The following HOMER1 variants were observed in gnomAD, a reference collection of about 807,000 sequenced individuals.
HOMER1 encodes homer scaffold protein 1, also known as homer protein homolog 1.
A neutral mutation model predicts 48.9 loss-of-function variants in HOMER1; 3 were observed. The observed-to-expected ratio is 0.06, with a 90% CI of 0.03 to 0.16. The LOEUF is 0.16. Among genes scored for constraint, HOMER1 ranks in the 10% least tolerant of loss-of-function variants. The pLI, the probability that HOMER1 is intolerant of heterozygous loss-of-function variation, is 1.00. For missense variants in HOMER1, 247 were observed against 411.4 expected (o/e 0.60, Z 3.46); for synonymous variants, 134 against 146.4 (o/e 0.92, Z 0.61).
At chr5:79,496,503 T>C (rs1752424831) in intron 1 of HOMER1, among the ~76,000 whole-genome samples, 1 of 152,062 alleles carries the variant, frequency 6.6e-6, no homozygotes, top group Non-Finnish European at 1.5e-5. Flanking sequence ...CTAAAGAAAA[T>C]GAAGTGTCAT....
chr5:79,480,864 CA>C (rs771711275), intron 1 of HOMER1, among the ~76,000 whole-genome samples: 4 of 152,072 alleles, frequency 2.6e-5, no homozygotes, highest in African/African-American at 4.8e-5. Flanking sequence ...CTAGCCTTGT[CA>C]AATTAATGGT....
At chr5:79,423,071 C>G (rs989481667) in intron 5 of HOMER1, among the ~76,000 whole-genome samples, 2 of 152,134 alleles carry the variant, frequency 1.3e-5, no homozygotes, top group Non-Finnish European at 2.9e-5. Flanking sequence ...TCAAACAACA[C>G]TACTTGAAGC....
At position 79,374,063 on chromosome 5, in the gene HOMER1, T is replaced by G. The variant is rs1359916424; in HGVS notation, c.*1946A>C. 1.3e-5 allele frequency: 2 copies of G among 152,342 alleles called. No homozygotes were observed. Among genetic ancestry groups the G allele is most frequent in the Non-Finnish European group, 2.9e-5 (2 of 67,844 alleles). The allele number at this position is 152,342 out of a possible 1,614,324, so 9.4% of individuals were successfully genotyped here. ...ATTTTTTTAACTCTTCATACTAAAC[T>G]CCCTGATCCCTAGTGTTAAATCTCC... On this transcript the variant is annotated 3_prime_UTR_variant, in exon 9 of 9. Transcript: ENST00000334082.
intron 8 of HOMER1, among the ~76,000 whole-genome samples, chr5:79,386,842 T>C: frequency 6.6e-6 from 1 of 152,238 alleles, no homozygotes; most frequent in African/African-American, 2.4e-5. Flanking sequence ...AATACTACAA[T>C]GATTAAAAGA....
chr5:79,389,898 C>CA (rs112838587), intron 8 of HOMER1, among the ~76,000 whole-genome samples: 3,728 of 151,792 alleles, frequency 0.025, 147 homozygotes, highest in African/African-American at 0.085. Flanking sequence ...ATAATGCAAC[C>CA]AAAAAACAGG....
In HOMER1 at chr5:79,496,701, T is replaced by C. The variant is rs116259562; in HGVS notation, c.5+16069A>G. On this transcript the variant is annotated intron_variant, in intron 1 of 8. Transcript: ENST00000334082. ...CTGAGGCTCACCAGATATTCCAGAA[T>C]AGTTTCCAAAATGAAATAAGAAACT... Among the ~76,000 whole-genome samples the C allele has an allele frequency of 6.4e-3, 971 of 152,176 alleles. 7 individuals are homozygous for C. The highest frequency in any genetic ancestry group is 0.021 in the African/African-American group (879 of 41,490).
intron 1 of HOMER1, among the ~76,000 whole-genome samples, chr5:79,494,953 T>C (rs2112363931): frequency 6.6e-6 from 1 of 152,308 alleles, no homozygotes; most frequent in East Asian, 1.9e-4. Context: ...CAACTTAAAA[T>C]TGTTCTGTTG....
intron 5 of HOMER1, among the ~76,000 whole-genome samples, chr5:79,419,833 A>G (rs991490180): frequency 1.3e-5 from 2 of 152,064 alleles, no homozygotes; most frequent in East Asian, 3.9e-4. Flanking sequence ...ATCTTAACAA[A>G]CAGTGCTAAA....
At chr5:79,440,538 T>G (rs1011535044) in intron 4 of HOMER1, among the ~76,000 whole-genome samples, 1 of 152,194 alleles carries the variant, frequency 6.6e-6, no homozygotes, top group African/African-American at 2.4e-5. Context: ...ATCAGCTGTT[T>G]CCTTTAGCTG....
intron 1 of HOMER1, among the ~76,000 whole-genome samples, chr5:79,499,332 C>A (rs556601957): frequency 6.6e-6 from 1 of 152,104 alleles, no homozygotes; most frequent in African/African-American, 2.4e-5. Context: ...ATTTTAATAT[C>A]AACTTTGAAA....
In HOMER1 at chr5:79,399,682, TAAC is replaced by T. The variant is rs1298716722; in HGVS notation, c.685-2048_685-2046del. Among the ~76,000 whole-genome samples the T allele has an allele frequency of 3.9e-5, 6 of 152,222 alleles. No homozygotes were observed. The East Asian group carries it at 1.2e-3, about 29-fold the overall frequency. On this transcript the variant is annotated intron_variant, in intron 6 of 8. Coordinates refer to ENST00000334082, the MANE Select transcript of HOMER1 (RefSeq NM_004272.5). ...ACAAAAACTCAACATTATTCAAAAA[TAAC>T]AAAATCTGTGGTCTCTACAACATCT...
intron 5 of HOMER1, among the ~76,000 whole-genome samples, chr5:79,417,992 A>G (rs1194467287): frequency 6.6e-6 from 1 of 152,232 alleles, no homozygotes; most frequent in Non-Finnish European, 1.5e-5. Context: ...AGTAACCAAT[A>G]ATTTCATTAG....
chr5:79,464,227 G>A (rs545488527), intron 1 of HOMER1, among the ~76,000 whole-genome samples: 92 of 152,278 alleles, frequency 6.0e-4, no homozygotes, highest in Non-Finnish European at 1.0e-3. Flanking sequence ...AGAGGAATAA[G>A]GGAAAGTAGG....
intron 6 of HOMER1, among the ~76,000 whole-genome samples, chr5:79,398,308 TACACACACACAC>T (rs139315456): frequency 1.3e-5 from 2 of 149,460 alleles, no homozygotes; most frequent in Admixed American, 1.3e-4. Context: ...TCAATATAAA[TACACACACACAC>T]ACACACACAC....
chr5:79,445,423 A>G (rs1274134026), intron 4 of HOMER1, among the ~76,000 whole-genome samples: 2 of 152,210 alleles, frequency 1.3e-5, no homozygotes, highest in African/African-American at 4.8e-5. Flanking sequence ...ATACAGTAAA[A>G]CCACTGTATT....
chr5:79,506,887 G>A (rs1752787604), intron 1 of HOMER1, among the ~76,000 whole-genome samples: 1 of 151,738 alleles, frequency 6.6e-6, no homozygotes, highest in African/African-American at 2.4e-5. Flanking sequence ...TTCACATACT[G>A]AAGACCATTG....
At chr5:79,416,243 G>A (rs1329282238) in intron 5 of HOMER1, among the ~76,000 whole-genome samples, 2 of 152,226 alleles carry the variant, frequency 1.3e-5, no homozygotes, top group Non-Finnish European at 2.9e-5. Flanking sequence ...TAGTACAGAT[G>A]TATTATTTAT....
chr5:79,510,904 C>T (rs1752924657), intron 1 of HOMER1: 2 of 647,604 alleles, frequency 3.1e-6, no homozygotes, highest in Non-Finnish European at 5.5e-6. Context: ...GTAGATATCT[C>T]TATCTGCCAA....
At chr5:79,435,762 C>T (rs1034983153) in intron 5 of HOMER1, among the ~76,000 whole-genome samples, 16 of 150,574 alleles carry the variant, frequency 1.1e-4, no homozygotes, top group South Asian at 2.1e-4. Context: ...ACCTGGGAGG[C>T]GGAGCTTGCA....
Sources: gnomAD v4.1 joint callset for allele counts (sites outside exome capture counted in the v4.1 genomes callset) on GRCh38, gnomAD v4.1.1 for gene constraint, MANE v1.5 for transcripts, NCBI Gene and HGNC (gene_info 2026-07-23, HGNC 2026-07-21) for gene names.